TTLL11: variants seen among roughly 807,000 people sequenced by gnomAD.
TTLL11 encodes the protein tubulin polyglutamylase TTLL11.
A neutral mutation model predicts 51.7 loss-of-function variants in TTLL11; 42 were observed. The observed-to-expected ratio is 0.81, with a 90% CI of 0.64 to 1.05. TTLL11 has a LOEUF of 1.05. TTLL11 is among the 50% of genes least tolerant of loss of function. The pLI is 0.00. For synonymous variants in TTLL11, 381 were observed against 383.5 expected (o/e 0.99, Z 0.08); for missense variants, 799 against 940.4 (o/e 0.85, Z 1.97).
chr9:121,824,042 C>T (rs533964706), intron 8 of TTLL11, among the ~76,000 whole-genome samples: 1 of 152,304 alleles, frequency 6.6e-6, no homozygotes, highest in Admixed American at 6.5e-5. Context: ...GTGCGCTTCC[C>T]GTGCTGCCCA....
intron 1 of TTLL11, among the ~76,000 whole-genome samples, chr9:122,071,983 C>T (rs1259068409): frequency 6.6e-6 from 1 of 152,156 alleles, no homozygotes; most frequent in South Asian, 2.1e-4. Context: ...CACTGCAACC[C>T]CTAAATACAC....
At chr9:121,914,726 C>T (rs1393244497) in intron 6 of TTLL11, among the ~76,000 whole-genome samples, 4 of 152,162 alleles carry the variant, frequency 2.6e-5, no homozygotes, top group Admixed American at 6.5e-5. Context: ...CCTGCAGAGT[C>T]GCAGATGCCC....
intron 8 of TTLL11, among the ~76,000 whole-genome samples, chr9:121,832,804 G>A (rs1837059946): frequency 6.6e-6 from 1 of 152,178 alleles, no homozygotes; most frequent in Non-Finnish European, 1.5e-5. Context: ...ACTAGGCATG[G>A]TGGCACGCAC....
At chr9:122,051,014 G>T (rs1375415337) in intron 1 of TTLL11, among the ~76,000 whole-genome samples, 4 of 152,152 alleles carry the variant, frequency 2.6e-5, no homozygotes, top group Non-Finnish European at 5.9e-5. Context: ...TAGTTTTGGG[G>T]AAATTTGTTA....
chr9:121,820,017 TG>T lies in TTLL11; in HGVS notation c.*2569del, dbSNP rs1822342394. ...TCCCTAACAATCAGCAGGGAGGCTC[TG>T]TGCCCTGCGGGTGGGTGGGGCTATC... On this transcript the variant is annotated 3_prime_UTR_variant, in exon 9 of 9. Coordinates refer to ENST00000321582, the MANE Select transcript of TTLL11 (RefSeq NM_001139442.2). 6.6e-6 allele frequency among the ~76,000 whole-genome samples: 1 copy of T among 152,026 alleles called. No homozygotes were observed.
At chr9:121,828,479 G>A (rs1437877404) in intron 8 of TTLL11, among the ~76,000 whole-genome samples, 7 of 151,996 alleles carry the variant, frequency 4.6e-5, no homozygotes, top group Non-Finnish European at 7.4e-5. Context: ...CTGGCCACAC[G>A]GAACTTCATT....
chr9:121,999,317 G>A (rs1390597622), intron 3 of TTLL11, among the ~76,000 whole-genome samples: 3 of 152,084 alleles, frequency 2.0e-5, no homozygotes, highest in Non-Finnish European at 4.4e-5. Flanking sequence ...ACCTCTCTTG[G>A]GCTCCAGACT....
At chr9:122,080,251 A>G (rs1845968629) in intron 1 of TTLL11, among the ~76,000 whole-genome samples, 1 of 152,212 alleles carries the variant, frequency 6.6e-6, no homozygotes, top group Non-Finnish European at 1.5e-5. Context: ...AAAAGTAAGT[A>G]TTTATAGGAA....
chr9:122,022,289 G>A (rs545353543), intron 3 of TTLL11, among the ~76,000 whole-genome samples: 9 of 152,036 alleles, frequency 5.9e-5, no homozygotes, highest in South Asian at 2.1e-4. Flanking sequence ...TGAGAAACAT[G>A]AGCTTTAACA....
intron 3 of TTLL11, among the ~76,000 whole-genome samples, chr9:122,023,113 A>C (rs1259919308): frequency 6.6e-6 from 1 of 152,026 alleles, no homozygotes; most frequent in Non-Finnish European, 1.5e-5. Flanking sequence ...TACAAATGTT[A>C]GGACTAAGAG....
chr9:121,915,998 C>T (rs1588122262), intron 6 of TTLL11, among the ~76,000 whole-genome samples: 1 of 122,332 alleles, frequency 8.2e-6, no homozygotes, highest in African/African-American at 3.0e-5. Context: ...CATACACACA[C>T]ACACACACAC....
At chr9:121,899,372 T>TATAC (rs1178974870) in intron 6 of TTLL11, among the ~76,000 whole-genome samples, 464 of 71,880 alleles carry the variant, frequency 6.5e-3, no homozygotes, top group African/African-American at 0.019. Context: ...TGTGTATATA[T>TATAC]ATATACATAT....
intron 1 of TTLL11, among the ~76,000 whole-genome samples, chr9:122,062,265 C>A (rs1201134886): frequency 1.3e-5 from 2 of 152,062 alleles, no homozygotes; most frequent in East Asian, 1.9e-4. Context: ...CACACAGGGG[C>A]TCTTTTAAGA....
intron 6 of TTLL11, among the ~76,000 whole-genome samples, chr9:121,957,338 T>G (rs1842053470): frequency 6.6e-6 from 1 of 152,108 alleles, no homozygotes; most frequent in South Asian, 2.1e-4. Flanking sequence ...CCTACAGACT[T>G]GATCATTTGA....
intron 1 of TTLL11, among the ~76,000 whole-genome samples, chr9:122,078,946 G>A (rs1250337467): frequency 1.3e-5 from 2 of 152,178 alleles, no homozygotes; most frequent in African/African-American, 2.4e-5. Flanking sequence ...AAAGTTTAGA[G>A]TACTGTTACA....
At chr9:121,983,207 G>A (rs886999099) in intron 4 of TTLL11, among the ~76,000 whole-genome samples, 5 of 152,224 alleles carry the variant, frequency 3.3e-5, no homozygotes, top group Non-Finnish European at 5.9e-5. Flanking sequence ...GTCTCAGGCT[G>A]TTGGTCTGAG....
chr9:122,052,405 C>A (rs986016622), intron 1 of TTLL11, among the ~76,000 whole-genome samples: 1 of 152,206 alleles, frequency 6.6e-6, no homozygotes, highest in African/African-American at 2.4e-5. Flanking sequence ...GGGAAGCCCA[C>A]CTGTGGGAGC....
chr9:121,927,574 A>G (rs1279118227), intron 6 of TTLL11, among the ~76,000 whole-genome samples: 1 of 152,122 alleles, frequency 6.6e-6, no homozygotes, highest in Non-Finnish European at 1.5e-5. Flanking sequence ...AGAAATATGT[A>G]AACTGCTCAT....
At chr9:122,059,354 A>G (rs942126124) in intron 1 of TTLL11, among the ~76,000 whole-genome samples, 3 of 152,164 alleles carry the variant, frequency 2.0e-5, no homozygotes, top group Non-Finnish European at 4.4e-5. Flanking sequence ...TCAATGTATG[A>G]AGTTACTTAA....
Sources: allele counts gnomAD v4.1 joint callset (sites outside exome capture counted in the v4.1 genomes callset), GRCh38; gene constraint gnomAD v4.1.1; transcripts MANE v1.5; gene names NCBI Gene and HGNC (gene_info 2026-07-23, HGNC 2026-07-21).